FARP1: variants seen among roughly 807,000 people sequenced by gnomAD.
The protein encoded by FARP1 is FERM, ARH/RhoGEF and pleckstrin domain protein 1.
A neutral mutation model predicts 128.8 loss-of-function variants in FARP1; 52 were observed. The observed-to-expected ratio is 0.40, with a 90% CI of 0.32 to 0.51. FARP1 has a LOEUF of 0.51. Among genes scored for constraint, FARP1 ranks in the 20% least tolerant of loss-of-function variants. The pLI is 0.45. For missense variants in FARP1, 1,333 were observed against 1,367.9 expected (o/e 0.97, Z 0.40); for synonymous variants, 580 against 551.8 (o/e 1.05, Z -0.72).
chr13:98,343,735 G>A (rs748764005), intron 2 of FARP1, 27 bp from the exon 3 acceptor site: 2 of 1,528,430 alleles, frequency 1.3e-6, no homozygotes, highest in Non-Finnish European at 1.8e-6. Flanking sequence ...CTGCCTCAGG[G>A]ATAACCCCTG....
In FARP1 at chr13:98,176,326, G is replaced by T; in HGVS notation, c.-24+32834G>T. 6.2e-7 allele frequency: 1 copy of T among 1,613,590 alleles called. No individual in the cohort carries two copies. Among genetic ancestry groups the T allele is most frequent in the Non-Finnish European group, 8.5e-7 (1 of 1,179,532 alleles). On this transcript the variant is annotated intron_variant, in intron 1 of 26. Coordinates refer to ENST00000319562, the MANE Select transcript of FARP1 (RefSeq NM_005766.4). The surrounding 1 kb of genome is among the most constrained non-coding windows in gnomAD (Gnocchi z 6.2). ...TTGCAGTTTCGCCATCAGTTCTTTGGCGGGGTTAAAGATGCCGCCGGTTGG... is the reference window on the plus strand; with the variant it reads ...TTGCAGTTTCGCCATCAGTTCTTTGTCGGGGTTAAAGATGCCGCCGGTTGG...
intron 1 of FARP1, among the ~76,000 whole-genome samples, chr13:98,184,082 C>T (rs137945988): frequency 5.3e-5 from 8 of 152,118 alleles, no homozygotes; most frequent in African/African-American, 1.9e-4. Context: ...GAAGGGAGAG[C>T]AGTGTCAGAC....
intron 2 of FARP1, among the ~76,000 whole-genome samples, chr13:98,267,486 AC>A (rs1413788685): frequency 6.6e-6 from 1 of 151,208 alleles, no homozygotes; most frequent in Non-Finnish European, 1.5e-5. Flanking sequence ...AGACGCTCCC[AC>A]CCCCCCATAT....
In FARP1 at chr13:98,440,151, G is replaced by A. The variant is rs1892463925; in HGVS notation, c.2545G>A (p.Glu849Lys). The change falls in exon 23 of 27, where the codon GAG (glutamate) becomes AAG (lysine). Residue 849 changes from glutamate to lysine, a missense_variant. This residue lies in a region of FARP1 where 1,009 missense variants were observed against 969.8 expected (regional missense o/e 1.04). Coordinates refer to ENST00000319562, the MANE Select transcript of FARP1 (RefSeq NM_005766.4). Reference sequence around the variant, plus strand: ...TCGGTCCGAGATGGAGAAGTGGGTTGAGGACATCCAGATGGCCATTGACCT... The same window carrying A: ...TCGGTCCGAGATGGAGAAGTGGGTTAAGGACATCCAGATGGCCATTGACCT... Reference protein sequence around the residue: ...SSRSEMEKWVEDIQMAIDLAE... With the variant: ...SSRSEMEKWVKDIQMAIDLAE... 1 of 1,613,898 alleles carries A rather than the reference G, an allele frequency of 6.2e-7. No homozygotes were observed.
intron 16 of FARP1, among the ~76,000 whole-genome samples, chr13:98,415,263 CTGTG>C (rs748551574): frequency 5.3e-5 from 8 of 152,186 alleles, no homozygotes; most frequent in Non-Finnish European, 1.0e-4. Flanking sequence ...ACTCAGGAAT[CTGTG>C]TGTTTTAAGT....
At chr13:98,191,772 G>A (rs750259550) in intron 1 of FARP1, among the ~76,000 whole-genome samples, 1 of 151,992 alleles carries the variant, frequency 6.6e-6, no homozygotes, top group African/African-American at 2.4e-5. Context: ...GAAAAACCCC[G>A]TCCCTACTAA....
intron 2 of FARP1, among the ~76,000 whole-genome samples, chr13:98,318,068 CTTTTTTTTT>C (rs35762706): frequency 9.6e-6 from 1 of 104,176 alleles, no homozygotes; most frequent in African/African-American, 3.5e-5. Flanking sequence ...TCTCCTCCTC[CTTTTTTTTT>C]TTTTTTTTTT....
rs775895749 is a variant in FARP1 at position 98,453,566 on chromosome 13, A to G, written c.*5249A>G. 3.1e-5 allele frequency: 6 copies of G among 194,372 alleles called. No individual in the cohort carries two copies. The highest frequency in any genetic ancestry group is 5.9e-5 in the Admixed American group (1 of 16,954). 12.0% of individuals were successfully genotyped at this position (194,372 alleles called of 1,614,324 possible). ...AGTAAGATTCCAGGGATGCATATGC[A>G]TTCCCGATGTGAGGGCAGGAAACCC... On this transcript the variant is annotated 3_prime_UTR_variant, in exon 27 of 27. Transcript: ENST00000319562.
At chr13:98,257,625 C>T (rs1430377204) in intron 2 of FARP1, among the ~76,000 whole-genome samples, 1 of 152,134 alleles carries the variant, frequency 6.6e-6, no homozygotes, top group Non-Finnish European at 1.5e-5. Flanking sequence ...CAAAAATTAG[C>T]TAGGCATGGT....
chr13:98,318,708 C>G, intron 2 of FARP1, among the ~76,000 whole-genome samples: 1 of 152,212 alleles, frequency 6.6e-6, no homozygotes, highest in East Asian at 1.9e-4. Flanking sequence ...GCCACCACCC[C>G]ACCCAGCAGT....
intron 2 of FARP1, among the ~76,000 whole-genome samples, chr13:98,304,620 G>T (rs1238368577): frequency 6.6e-6 from 1 of 152,226 alleles, no homozygotes; most frequent in Non-Finnish European, 1.5e-5. Flanking sequence ...GGTGACACGA[G>T]TTTCTTGCAG....
At chr13:98,296,197 T>C (rs1885678325) in intron 2 of FARP1, among the ~76,000 whole-genome samples, 1 of 152,204 alleles carries the variant, frequency 6.6e-6, no homozygotes, top group Admixed American at 6.5e-5. Flanking sequence ...TTTCCTCATC[T>C]ATAAACTCCC....
chr13:98,423,963 CCT>C (rs1456371633), intron 16 of FARP1, among the ~76,000 whole-genome samples: 2 of 152,178 alleles, frequency 1.3e-5, no homozygotes, highest in Non-Finnish European at 2.9e-5. Flanking sequence ...CCCCTCCACG[CCT>C]CTCTCTCTTC....
intron 2 of FARP1, among the ~76,000 whole-genome samples, chr13:98,237,840 A>G (rs1245552611): frequency 6.6e-6 from 1 of 152,062 alleles, no homozygotes; most frequent in Non-Finnish European, 1.5e-5. Flanking sequence ...TTTTTTAAAG[A>G]AAGAAAGAAA....
intron 2 of FARP1, among the ~76,000 whole-genome samples, chr13:98,230,059 G>A (rs1352769429): frequency 6.6e-6 from 1 of 152,190 alleles, no homozygotes; most frequent in Non-Finnish European, 1.5e-5. Flanking sequence ...TAGTACCGTA[G>A]GATAAATGAG....
chr13:98,145,715 T>G (rs1875485275), intron 1 of FARP1, among the ~76,000 whole-genome samples: 1 of 148,968 alleles, frequency 6.7e-6, no homozygotes, highest in South Asian at 2.2e-4. Context: ...ATACAAAAAT[T>G]AGCCAGGGGT....
chr13:98,179,276 A>T (rs546341727), intron 1 of FARP1, among the ~76,000 whole-genome samples: 58 of 152,148 alleles, frequency 3.8e-4, no homozygotes, highest in Non-Finnish European at 6.8e-4. Flanking sequence ...ATCTCATGGG[A>T]TTTATTCACT....
In FARP1 at chr13:98,388,371, C is replaced by G. The variant is rs375712866; in HGVS notation, c.760-12C>G. On this transcript the variant is annotated splice_polypyrimidine_tract_variant and intron_variant, in intron 8 of 26. Transcript: ENST00000319562. ...GCATTTCCTGGCTCACTGCTACTGT[C>G]TTTCTTTTTAGGGTTTCACTAAGAT... 6.2e-7 allele frequency: 1 copy of G among 1,608,380 alleles called. No individual in the cohort carries two copies. Among genetic ancestry groups the G allele is most frequent in the African/African-American group, 1.3e-5 (1 of 74,810 alleles).
intron 6 of FARP1, among the ~76,000 whole-genome samples, chr13:98,379,101 TATA>T (rs1265768954): frequency 1.0e-5 from 1 of 97,992 alleles, no homozygotes; most frequent in East Asian, 2.6e-4. Flanking sequence ...ATAATATATA[TATA>T]ATATATAATC....
Sources: gnomAD v4.1 joint callset for allele counts (sites outside exome capture counted in the v4.1 genomes callset) on GRCh38, gnomAD v4.1.1 for gene constraint, gnomAD v4.1.1 regional missense constraint, Gnocchi (gnomAD v3.1) non-coding constraint, MANE v1.5 for transcripts, NCBI Gene and HGNC (gene_info 2026-07-23, HGNC 2026-07-21) for gene names.